UNC13C: variants seen among roughly 807,000 people sequenced by gnomAD.
The protein encoded by UNC13C is protein unc-13 homolog C.
A neutral mutation model predicts 245.4 loss-of-function variants in UNC13C; 174 were observed. The ratio of observed to expected loss-of-function variants is 0.71; its 90% CI spans 0.63 to 0.80. The LOEUF is 0.80. UNC13C is among the 30% of genes least tolerant of loss of function. The pLI, the probability that UNC13C is intolerant of heterozygous loss-of-function variation, is 0.00. For synonymous variants in UNC13C, 992 were observed against 895.1 expected (o/e 1.11, Z -1.93); for missense variants, 2,829 against 2,602.9 (o/e 1.09, Z -1.89).
intron 2 of UNC13C, among the ~76,000 whole-genome samples, chr15:54,093,574 T>C (rs16974064): frequency 0.012 from 1,802 of 152,346 alleles, 43 homozygotes; most frequent in African/African-American, 0.041. Context: ...AAAATGTTCA[T>C]ATCAGTGGAT....
At chr15:53,947,288 G>T in the UNC13C span, among the ~76,000 whole-genome samples, 1,949 of 152,270 alleles carry the variant, frequency 0.013, 40 homozygotes, top group African/African-American at 0.045. Context: ...TACAGGCTGT[G>T]TCTTTTTTTC....
intron 28 of UNC13C, among the ~76,000 whole-genome samples, chr15:54,554,449 A>T (rs1467462072): frequency 6.6e-6 from 1 of 152,210 alleles, no homozygotes; most frequent in South Asian, 2.1e-4. Context: ...TATAAAAAAT[A>T]AGACACCTTT....
At chr15:54,023,741 G>T (rs1895993401) in intron 2 of UNC13C, among the ~76,000 whole-genome samples, 1 of 152,202 alleles carries the variant, frequency 6.6e-6, no homozygotes. Context: ...TTGCAGGGAA[G>T]CTAAAGGCAT....
chr15:54,571,093 T>C (rs947006158), intron 30 of UNC13C, among the ~76,000 whole-genome samples: 1 of 152,204 alleles, frequency 6.6e-6, no homozygotes, highest in Non-Finnish European at 1.5e-5. Flanking sequence ...TGTTTTATTC[T>C]GGTGGCATGG....
intron 10 of UNC13C, among the ~76,000 whole-genome samples, chr15:54,280,855 T>C (rs773664084): frequency 5.9e-5 from 9 of 151,552 alleles, no homozygotes; most frequent in Non-Finnish European, 1.0e-4. Flanking sequence ...TAGAGCACAA[T>C]GGCGCAATCT....
intron 1 of UNC13C, among the ~76,000 whole-genome samples, chr15:53,994,830 A>G (rs560066776): frequency 2.6e-5 from 4 of 152,116 alleles, no homozygotes; most frequent in Admixed American, 2.6e-4. Context: ...TAGTATTTTT[A>G]AAATAAAAAA....
chr15:54,272,954 T>C (rs1385816066), intron 10 of UNC13C, among the ~76,000 whole-genome samples: 1 of 152,186 alleles, frequency 6.6e-6, no homozygotes, highest in Non-Finnish European at 1.5e-5. Flanking sequence ...TAATATTCCA[T>C]AGGCAGGGGT....
chr15:54,554,981 G>T (rs947542750), intron 28 of UNC13C, among the ~76,000 whole-genome samples: 1 of 151,848 alleles, frequency 6.6e-6, no homozygotes, highest in Admixed American at 6.6e-5. Flanking sequence ...AAGAATTGAG[G>T]GCATCTAAGA....
At chr15:54,573,489 G>A (rs1050408652) in intron 30 of UNC13C, among the ~76,000 whole-genome samples, 1 of 152,136 alleles carries the variant, frequency 6.6e-6, no homozygotes, top group African/African-American at 2.4e-5. Context: ...ATATATAAGA[G>A]TCACATGTTT....
chr15:54,248,165 A>G (rs766963683), intron 7 of UNC13C, among the ~76,000 whole-genome samples: 2 of 152,156 alleles, frequency 1.3e-5, no homozygotes, highest in Non-Finnish European at 2.9e-5. Flanking sequence ...ATTCTGTTTT[A>G]TTCCCACTCA....
intron 19 of UNC13C, among the ~76,000 whole-genome samples, chr15:54,484,292 C>T (rs1319382621): frequency 6.6e-6 from 1 of 152,128 alleles, no homozygotes; most frequent in Non-Finnish European, 1.5e-5. Context: ...AAAATTTCCC[C>T]TAGGTCCTAG....
At chr15:54,060,780 A>G (rs1218790914) in intron 2 of UNC13C, among the ~76,000 whole-genome samples, 2 of 151,234 alleles carry the variant, frequency 1.3e-5, no homozygotes, top group African/African-American at 4.8e-5. Flanking sequence ...ATGGAATACT[A>G]TGCAGCCATA....
At chr15:54,593,782 G>C (rs1387396189) in intron 30 of UNC13C, among the ~76,000 whole-genome samples, 1 of 152,058 alleles carries the variant, frequency 6.6e-6, no homozygotes, top group African/African-American at 2.4e-5. Context: ...GCCTTTCTCT[G>C]GTCCCTCCCT....
intron 4 of UNC13C, among the ~76,000 whole-genome samples, chr15:54,220,631 C>T (rs908140129): frequency 6.6e-6 from 1 of 151,002 alleles, no homozygotes; most frequent in East Asian, 1.9e-4. Flanking sequence ...AAAAATGCAT[C>T]TTAATAACTG....
At chr15:53,941,135 C>T in the UNC13C span, among the ~76,000 whole-genome samples, 1 of 152,254 alleles carries the variant, frequency 6.6e-6, no homozygotes, top group East Asian at 1.9e-4. Flanking sequence ...GAATGGAGAA[C>T]TCAGAAATAA....
At chr15:54,400,818 G>A (rs2040166264) in intron 18 of UNC13C, among the ~76,000 whole-genome samples, 1 of 152,124 alleles carries the variant, frequency 6.6e-6, no homozygotes. Flanking sequence ...TTTTACATAT[G>A]TATACATGTG....
At chr15:53,846,178 C>T in the UNC13C span, among the ~76,000 whole-genome samples, 2 of 152,108 alleles carry the variant, frequency 1.3e-5, no homozygotes, top group Non-Finnish European at 2.9e-5. Context: ...TACATATTTT[C>T]AATTTACGAT....
chr15:54,284,383 G>A (rs2037086028), intron 10 of UNC13C, among the ~76,000 whole-genome samples: 2 of 152,076 alleles, frequency 1.3e-5, no homozygotes, highest in East Asian at 1.9e-4. Context: ...TTATGCAAAC[G>A]ATTTTGAATA....
At chr15:54,076,160 A>G (rs1044249668) in intron 2 of UNC13C, among the ~76,000 whole-genome samples, 15 of 146,532 alleles carry the variant, frequency 1.0e-4, no homozygotes, top group African/African-American at 1.8e-4. Flanking sequence ...CACATTGTGC[A>G]GGTTAGTTAC....
Sources: gnomAD v4.1 joint callset for allele counts (sites outside exome capture counted in the v4.1 genomes callset) on GRCh38, gnomAD v4.1.1 for gene constraint, MANE v1.5 for transcripts, NCBI Gene and HGNC (gene_info 2026-07-23, HGNC 2026-07-21) for gene names.